The following ANK3 variants were observed in gnomAD, a reference collection of about 807,000 sequenced individuals.
ANK3 encodes the protein ankyrin 3.
In ANK3, 57 loss-of-function variants were observed where a neutral mutation model predicts 370.9. That is an observed-to-expected ratio of 0.15 (90% confidence interval 0.12 to 0.19). The LOEUF (loss-of-function observed/expected upper bound fraction) is 0.19, where lower values mean the gene tolerates loss of function less well. Among genes scored for constraint, ANK3 ranks in the 10% least tolerant of loss-of-function variants. The pLI is 1.00. For synonymous variants in ANK3, 1,929 were observed against 1,946.3 expected, an observed-to-expected ratio of 0.99 and a Z score of 0.23; for missense variants, 4,439 against 5,302.1, an observed-to-expected ratio of 0.84 and a Z score of 5.06.
chr10:60,056,029 G>C lies in ANK3; in HGVS notation c.12694C>G (p.Gln4232Glu). ...TATGAGGTAATGGAATCTCTACACT[G>C]GTCAGGGCTGCAACAGAAAATTTGC... is the stretch of plus-strand genomic sequence containing the variant. ...LLDRLDDSPD[Q>E]CRDSITSYLK... The change falls in exon 42 of 44, where the codon CAG becomes GAG. Residue 4232 changes from glutamine to glutamate, a missense_variant. Gln to Glu is a conservative substitution (Grantham distance 29). This residue lies in a region of ANK3 where 242 missense variants were observed against 228.0 expected (regional missense o/e 1.06). Transcript: ENST00000280772. 1 of 1,604,572 alleles carries C rather than the reference G, an allele frequency of 6.2e-7. No homozygotes were observed.
intron 2 of ANK3, among the ~76,000 whole-genome samples, chr10:60,561,602 A>T (rs748159729): frequency 5.9e-5 from 9 of 152,238 alleles, no homozygotes; most frequent in Non-Finnish European, 1.2e-4. Context: ...TTCACAAAAC[A>T]TTGGTTGGAT....
chr10:60,278,971 T>C (rs1248293992), intron 3 of ANK3, 79 bp downstream of exon 3: 1 of 1,552,918 alleles, frequency 6.4e-7, no homozygotes, highest in East Asian at 2.2e-5. Flanking sequence ...ATGAGATATG[T>C]GCCCCCATTC....
chr10:60,723,705 G>A (rs150305440), intron 1 of ANK3, among the ~76,000 whole-genome samples: 3 of 152,038 alleles, frequency 2.0e-5, no homozygotes, highest in Admixed American at 6.5e-5. Context: ...TTTTTTAAAC[G>A]ACCAAGATAG....
Position 60,709,757 on chromosome 10 carries a change from G to A in ANK3, c.57+23506C>T, listed in dbSNP as rs193193283. Among the ~76,000 whole-genome samples the A allele has an allele frequency of 3.7e-3, 556 of 151,694 alleles. 4 individuals carry two copies. Among genetic ancestry groups the A allele is most frequent in the Non-Finnish European group, 4.7e-3 (320 of 67,928 alleles). ...ATGGGAGGATTGCTCAAGCCCAGGA[G>A]GTTGAGGCTGCAGTGAGCCATGATT... On this transcript the variant is annotated intron_variant, in intron 1 of 43. Transcript: ENST00000373827.
intron 1 of ANK3, among the ~76,000 whole-genome samples, chr10:60,381,995 C>T (rs1421952512): frequency 2.0e-5 from 3 of 152,152 alleles, no homozygotes. Context: ...TTCTATTAAA[C>T]AAAATTTACC....
chr10:60,262,037 A>G (rs1447015862), intron 6 of ANK3, 80 bp from the exon 7 acceptor site: 2 of 1,252,526 alleles, frequency 1.6e-6, no homozygotes, highest in African/African-American at 1.5e-5. Context: ...ACCCTGCCCA[A>G]ATAAAAATGA....
rs1473930963 is a variant in ANK3 at position 60,205,527 on chromosome 10, T to C, written c.1293+265A>G. Among the ~76,000 whole-genome samples the C allele has an allele frequency of 2.6e-5, 4 of 152,202 alleles. No homozygotes were observed. The East Asian group carries it at 7.7e-4, about 29-fold the overall frequency. On this transcript the variant is annotated intron_variant, in intron 11 of 43. Transcript: ENST00000280772. ...TATAGGATTTGATATAAATTATGCTTTCTGTGAAGGTGCCCTTCCCCTTAA... is the reference window on the plus strand; with the variant it reads ...TATAGGATTTGATATAAATTATGCTCTCTGTGAAGGTGCCCTTCCCCTTAA...
At chr10:60,615,799 C>CA (rs1388311516) in intron 1 of ANK3, among the ~76,000 whole-genome samples, 3 of 152,214 alleles carry the variant, frequency 2.0e-5, no homozygotes, top group Admixed American at 2.0e-4. Context: ...ATTACAACCT[C>CA]AAAATAGAAA....
intron 1 of ANK3, among the ~76,000 whole-genome samples, chr10:60,726,069 A>G (rs1385175823): frequency 1.3e-5 from 2 of 152,218 alleles, no homozygotes; most frequent in Non-Finnish European, 2.9e-5. Context: ...CAACAATGTA[A>G]TTACTTCAAC....
intron 28 of ANK3, among the ~76,000 whole-genome samples, chr10:60,092,646 T>G (rs1197144772): frequency 6.6e-6 from 1 of 152,252 alleles, no homozygotes; most frequent in Non-Finnish European, 1.5e-5. Flanking sequence ...GCAATTTTAC[T>G]CCTTTTTGCC....
chr10:60,393,527 A>G (rs1239833829), upstream of ANK3, among the ~76,000 whole-genome samples: 2 of 152,194 alleles, frequency 1.3e-5, no homozygotes, highest in Non-Finnish European at 2.9e-5. Flanking sequence ...TCCAGATAAC[A>G]TCTAATCCAG....
In ANK3 at chr10:60,128,384, CTT is replaced by C. The variant is rs56104024; in HGVS notation, c.2841+5885_2841+5886del. 1.1e-3 allele frequency among the ~76,000 whole-genome samples: 156 copies of C among 146,044 alleles called. No homozygotes were observed. The South Asian group carries it at 0.011, about 10-fold the overall frequency. On this transcript the variant is annotated intron_variant, in intron 25 of 43. Coordinates refer to ENST00000280772, the MANE Select transcript of ANK3 (RefSeq NM_020987.5). ...GTGCCTCAGTTTCTTCATTTTTTTT[CTT>C]TTTTTTTTTTTGAGATAGGGTCTCA...
At chr10:60,723,993 G>A (rs1156465795) in intron 1 of ANK3, among the ~76,000 whole-genome samples, 2 of 148,112 alleles carry the variant, frequency 1.4e-5, no homozygotes, top group Non-Finnish European at 3.0e-5. Context: ...GGCTGATCAC[G>A]AGGTCAGGAA....
chr10:60,717,622 TTAA>T (rs1239635529), intron 1 of ANK3, among the ~76,000 whole-genome samples: 2 of 152,224 alleles, frequency 1.3e-5, no homozygotes, highest in African/African-American at 4.8e-5. Context: ...CTATGGGAAG[TTAA>T]TAATATTTAT....
At chr10:60,450,169 C>G (rs766509101) in intron 2 of ANK3, among the ~76,000 whole-genome samples, 2 of 152,024 alleles carry the variant, frequency 1.3e-5, no homozygotes, top group Non-Finnish European at 2.9e-5. Flanking sequence ...GGTGAAGTGC[C>G]TGTATTTCCA....
chr10:60,547,710 G>T (rs892823731), intron 2 of ANK3, among the ~76,000 whole-genome samples: 11 of 151,918 alleles, frequency 7.2e-5, no homozygotes, highest in Non-Finnish European at 1.5e-4. Context: ...GAGAGACAGA[G>T]AGAAGGGGCG....
chr10:60,585,482 C>T (rs2077818325), intron 2 of ANK3, among the ~76,000 whole-genome samples: 1 of 152,058 alleles, frequency 6.6e-6, no homozygotes, highest in Admixed American at 6.5e-5. Context: ...ATACTGAGAA[C>T]AACTTTGAAG....
rs138255802 is a variant in ANK3 at position 60,200,184 on chromosome 10, G to C, written c.1436C>G (p.Ala479Gly). The change falls in exon 13 of 44, where the codon GCT (alanine) becomes GGT (glycine). Residue 479 changes from alanine to glycine, a missense_variant. Physicochemically the swap from Ala to Gly is moderately conservative, Grantham distance 60. Coordinates refer to ENST00000280772, the MANE Select transcript of ANK3 (RefSeq NM_020987.5). Reference sequence around the variant, plus strand: ...TTGTACCAGATACCGCACAACTTCAGCTTGGCCGGAGCGAGCTGCCATGTG... The same window carrying C: ...TTGTACCAGATACCGCACAACTTCACCTTGGCCGGAGCGAGCTGCCATGTG... ...ALHMAARSGQ[A>G]EVVRYLVQDG... 1.1e-5 allele frequency: 18 copies of C among 1,614,166 alleles called. No homozygotes were observed. Among genetic ancestry groups the C allele is most frequent in the Non-Finnish European group, 1.4e-5 (17 of 1,180,036 alleles).
In ANK3 at chr10:60,086,991, CAAA is replaced by C. The variant is rs34256603; in HGVS notation, c.3541-110_3541-108del. ...AAGGAAAAAAACAAAAACAGACAAC[CAAA>C]AAAAAAAAAAAAAAACCCAGGTCTT... On this transcript the variant is annotated intron_variant, in intron 29 of 43. Coordinates refer to ENST00000280772, the MANE Select transcript of ANK3 (RefSeq NM_020987.5). 867 of 144,316 alleles carry C rather than the reference CAAA, an allele frequency of 6.0e-3. 1 individual carries two copies. Among genetic ancestry groups the C allele is most frequent in the South Asian group, 0.012 (76 of 6,604 alleles). The allele number at this position is 144,316 out of a possible 1,614,324, so 8.9% of individuals were successfully genotyped here. A position where few individuals can be genotyped will look rare whatever the true frequency, so the allele number is the denominator to read the frequency against.
Sources: gnomAD v4.1 joint callset for allele counts (sites outside exome capture counted in the v4.1 genomes callset) on GRCh38, gnomAD v4.1.1 for gene constraint, gnomAD v4.1.1 regional missense constraint, MANE v1.5 for transcripts, NCBI Gene and HGNC (gene_info 2026-07-23, HGNC 2026-07-21) for gene names.